The following OSBPL8 variants were observed in gnomAD, a reference collection of about 807,000 sequenced individuals.
The protein encoded by OSBPL8 is oxysterol binding protein like 8, also known as oxysterol-binding protein-related protein 8.
In OSBPL8, 59 loss-of-function variants were observed where a neutral mutation model predicts 125.5. The observed-to-expected ratio is 0.47, with a 90% CI of 0.38 to 0.58. OSBPL8 has a LOEUF of 0.58. Among genes scored for constraint, OSBPL8 ranks in the 20% least tolerant of loss-of-function variants. OSBPL8 has a pLI of 0.00. For synonymous variants in OSBPL8, 330 were observed against 338.9 expected, an observed-to-expected ratio of 0.97 and a Z score of 0.29; for missense variants, 758 against 1,047.8, an observed-to-expected ratio of 0.72 and a Z score of 3.82.
At chr12:76,478,300 G>A (rs1019427494) in intron 2 of OSBPL8, among the ~76,000 whole-genome samples, 2 of 151,654 alleles carry the variant, frequency 1.3e-5, no homozygotes, top group African/African-American at 4.8e-5. Flanking sequence ...CCCTCATGAG[G>A]ATAAAAAAGA....
intron 2 of OSBPL8, among the ~76,000 whole-genome samples, chr12:76,468,545 A>G (rs753012241): frequency 2.0e-5 from 3 of 152,186 alleles, no homozygotes; most frequent in Non-Finnish European, 2.9e-5. Context: ...TGTTCACTGC[A>G]ATATCTCTTA....
Position 76,459,885 on chromosome 12 carries a change from T to A in OSBPL8, c.53A>T (p.Asp18Val). The change falls in exon 3 of 24, where the codon GAT becomes GTT. Residue 18 changes from aspartate to valine, a missense_variant. This residue lies in a region of OSBPL8 where 117 missense variants were observed against 137.1 expected (regional missense o/e 0.85). Transcript: ENST00000261183. ...GEPDRTSLLGDSKDVLGPSTV... is the reference protein window; with the variant it reads ...GEPDRTSLLGVSKDVLGPSTV... ...TGATGGCCCAAGGACATCTTTGCTA[T>A]CACCAAGAAGCTTTTAAGGCAGGGT... The A allele has an allele frequency of 6.2e-7, 1 of 1,613,790 alleles. No homozygotes were observed.
intron 1 of OSBPL8, among the ~76,000 whole-genome samples, chr12:76,500,490 T>C (rs562077871): frequency 6.6e-6 from 1 of 152,378 alleles, no homozygotes; most frequent in East Asian, 1.9e-4. Context: ...TATCACTTAA[T>C]ACTATTTAAG....
intron 2 of OSBPL8, among the ~76,000 whole-genome samples, chr12:76,460,333 G>C (rs1025041195): frequency 2.0e-5 from 3 of 152,074 alleles, no homozygotes; most frequent in African/African-American, 7.2e-5. Context: ...TTAAAGATTA[G>C]TTCTGCATGC....
At chr12:76,449,712 T>C (rs1478411471) in intron 4 of OSBPL8, among the ~76,000 whole-genome samples, 1 of 152,216 alleles carries the variant, frequency 6.6e-6, no homozygotes, top group Non-Finnish European at 1.5e-5. Flanking sequence ...CTCTGTACTA[T>C]ATTTTTTAAT....
chr12:76,530,288 C>A (rs890161448), intron 1 of OSBPL8, among the ~76,000 whole-genome samples: 5 of 145,436 alleles, frequency 3.4e-5, no homozygotes, highest in African/African-American at 1.3e-4. Context: ...GAACTCCTGG[C>A]CTCAAGCAAT....
intron 4 of OSBPL8, chr12:76,423,352 AGAG>A (rs1869746486): frequency 6.6e-6 from 1 of 152,216 alleles, no homozygotes; most frequent in Non-Finnish European, 1.5e-5. Context: ...ACCAATCAAC[AGAG>A]GAGATTAAAA....
chr12:76,366,554 A>T (rs1393574399), intron 21 of OSBPL8: 3 of 435,404 alleles, frequency 6.9e-6, no homozygotes, highest in African/African-American at 4.2e-5. Flanking sequence ...CTGTACTCTA[A>T]TCTTCATTAT....
At chr12:76,493,634 T>C (rs1312596912) in intron 1 of OSBPL8, among the ~76,000 whole-genome samples, 1 of 152,218 alleles carries the variant, frequency 6.6e-6, no homozygotes, top group Non-Finnish European at 1.5e-5. Context: ...GATCCTTTTT[T>C]TATCTTGCTG....
chr12:76,556,325 C>A (rs780118551), intron 1 of OSBPL8, among the ~76,000 whole-genome samples: 1 of 151,882 alleles, frequency 6.6e-6, no homozygotes, highest in Admixed American at 6.6e-5. Flanking sequence ...GGATTTCTTC[C>A]CTATAAGGTC....
chr12:76,470,382 T>C (rs560717607), intron 2 of OSBPL8, among the ~76,000 whole-genome samples: 358 of 152,304 alleles, frequency 2.4e-3, no homozygotes, highest in African/African-American at 8.2e-3. Context: ...GAAACCATAT[T>C]ATCACATCAT....
intron 4 of OSBPL8, among the ~76,000 whole-genome samples, chr12:76,435,155 CGTGTGTGTGTGTGTGT>C (rs71082308): frequency 1.4e-5 from 2 of 146,450 alleles, no homozygotes; most frequent in Non-Finnish European, 3.0e-5. Context: ...TATATATCTA[CGTGTGTGTGTGTGTGT>C]GTGTGTGTGT....
At chr12:76,375,100 C>T (rs1414247539) in intron 17 of OSBPL8, among the ~76,000 whole-genome samples, 173 bp downstream of exon 17, 1 of 152,088 alleles carries the variant, frequency 6.6e-6, no homozygotes, top group African/African-American at 2.4e-5. Flanking sequence ...TTAGGCTACC[C>T]GAAGATACTC....
chr12:76,424,526 T>A (rs891304708), intron 4 of OSBPL8, among the ~76,000 whole-genome samples: 1 of 152,184 alleles, frequency 6.6e-6, no homozygotes, highest in South Asian at 2.1e-4. Flanking sequence ...GTGCTTGCCT[T>A]TAAAGGCATA....
At chr12:76,356,162 T>TGGGGGGGGGTTGTGTGGGGG in intron 23 of OSBPL8, 141 bp from the exon 24 acceptor site, 1 of 131,834 alleles carries the variant, frequency 7.6e-6, no homozygotes, top group Non-Finnish European at 1.6e-5. Context: ...TATGTAGGGG[T>TGGGGGGGGGTTGTGTGGGGG]GGGGGGGGGC....
chr12:76,526,372 G>A lies in OSBPL8; in HGVS notation c.-68+33025C>T, dbSNP rs1012038426. Reference sequence around the variant, plus strand: ...ATCAGCCACATACTTTAATTATGCCGCCAGTTATGAATTTAATGATTTTCC... The same window carrying A: ...ATCAGCCACATACTTTAATTATGCCACCAGTTATGAATTTAATGATTTTCC... On this transcript the variant is annotated intron_variant, in intron 1 of 23. Coordinates refer to ENST00000261183, the MANE Select transcript of OSBPL8 (RefSeq NM_020841.5). Among the ~76,000 whole-genome samples the A allele has an allele frequency of 4.6e-5, 7 of 151,502 alleles. No individual in the cohort carries two copies. The East Asian group carries it at 5.8e-4, about 13-fold the overall frequency.
rs538259815 is a variant in OSBPL8, at chr12:76,533,541, T to A, written c.-68+25856A>T. 9.8e-5 allele frequency among the ~76,000 whole-genome samples: 15 copies of A among 152,330 alleles called. No homozygotes were observed. The South Asian group carries it at 3.1e-3, about 32-fold the overall frequency. On this transcript the variant is annotated intron_variant, in intron 1 of 23. Coordinates refer to ENST00000261183, the MANE Select transcript of OSBPL8 (RefSeq NM_020841.5). ...ATCTTGCAATCCACTGAAGTCTTTA[T>A]GAGGCAAACACAGGAGCAGACACAA...
At chr12:76,373,872 C>A (rs1419529898) in intron 17 of OSBPL8, among the ~76,000 whole-genome samples, 1 of 151,890 alleles carries the variant, frequency 6.6e-6, no homozygotes, top group Non-Finnish European at 1.5e-5. Context: ...AAATATATAG[C>A]CAAAAAAAGC....
chr12:76,389,501 G>T, intron 12 of OSBPL8, 144 bp downstream of exon 12: 2 of 602,768 alleles, frequency 3.3e-6, no homozygotes, highest in Non-Finnish European at 5.4e-6. Flanking sequence ...CTTACTAAGG[G>T]TCAACCACAG....
Sources: gnomAD v4.1 joint callset for allele counts (sites outside exome capture counted in the v4.1 genomes callset) on GRCh38, gnomAD v4.1.1 for gene constraint, gnomAD v4.1.1 regional missense constraint, MANE v1.5 for transcripts, NCBI Gene and HGNC (gene_info 2026-07-23, HGNC 2026-07-21) for gene names.